The following TBC1D22A variants were observed in gnomAD, a reference collection of about 807,000 sequenced individuals.
TBC1D22A encodes putative GTPase activator.
Under a neutral mutation model 60.2 loss-of-function variants are expected in TBC1D22A, and 38 were observed. That is an observed-to-expected ratio of 0.63 (90% CI 0.49 to 0.83). The LOEUF (loss-of-function observed/expected upper bound fraction) is 0.83, where lower values mean the gene tolerates loss of function less well. Ranked by LOEUF, TBC1D22A falls within the 40% of genes least tolerant of loss-of-function variation. TBC1D22A has a pLI of 0.00. For missense variants in TBC1D22A, 628 were observed against 701.0 expected (o/e 0.90, Z 1.18); for synonymous variants, 302 against 281.7 (o/e 1.07, Z -0.72).
At chr22:46,896,255 A>G (rs2147642353) in intron 7 of TBC1D22A, among the ~76,000 whole-genome samples, 1 of 151,448 alleles carries the variant, frequency 6.6e-6, no homozygotes, top group African/African-American at 2.4e-5. Context: ...ACATGGTAAG[A>G]ATTCTGATTC....
chr22:47,075,727 G>A (rs2064178476), intron 11 of TBC1D22A, among the ~76,000 whole-genome samples: 2 of 151,964 alleles, frequency 1.3e-5, no homozygotes, highest in African/African-American at 4.8e-5. Flanking sequence ...AAATGTAAAT[G>A]GCCTAAATTT....
chr22:47,057,971 C>T (rs937789887), intron 11 of TBC1D22A, among the ~76,000 whole-genome samples: 4 of 152,226 alleles, frequency 2.6e-5, no homozygotes, highest in Admixed American at 6.5e-5. Flanking sequence ...GCAGGCCCCA[C>T]GAGGATCTCA....
At chr22:46,862,485 G>C (rs2087951335) in intron 4 of TBC1D22A, among the ~76,000 whole-genome samples, 2 of 152,196 alleles carry the variant, frequency 1.3e-5, no homozygotes, top group South Asian at 4.1e-4. Context: ...GCACTCTGTG[G>C]CTTGTCCAGA....
intron 10 of TBC1D22A, among the ~76,000 whole-genome samples, chr22:47,023,803 C>T (rs756459199): frequency 8.5e-5 from 13 of 152,140 alleles, no homozygotes; most frequent in Non-Finnish European, 1.3e-4. Flanking sequence ...TAAAGGAATT[C>T]GACACCAGGA....
intron 11 of TBC1D22A, among the ~76,000 whole-genome samples, chr22:47,095,419 C>T (rs1310520560): frequency 1.3e-5 from 2 of 152,216 alleles, no homozygotes; most frequent in African/African-American, 2.4e-5. Context: ...ATCACAGTTT[C>T]TCCATTATAA....
chr22:46,974,495 C>A, intron 9 of TBC1D22A, 96 bp downstream of exon 9: 1 of 985,192 alleles, frequency 1.0e-6, no homozygotes, highest in Non-Finnish European at 1.6e-6. Flanking sequence ...TCAGTGTGGC[C>A]ATGCAGTCCC....
At chr22:47,148,801 G>A (rs950370294) in intron 12 of TBC1D22A, among the ~76,000 whole-genome samples, 8 of 152,182 alleles carry the variant, frequency 5.3e-5, no homozygotes, top group African/African-American at 1.9e-4. Context: ...CTCTCCTGGG[G>A]TCTTTCACTT....
chr22:46,984,789 C>G (rs1602811331), intron 9 of TBC1D22A, among the ~76,000 whole-genome samples: 1 of 152,198 alleles, frequency 6.6e-6, no homozygotes, highest in East Asian at 1.9e-4. Flanking sequence ...GTCATGACTC[C>G]TTTAGAGAAA....
chr22:47,156,138 T>C (rs995324116), intron 12 of TBC1D22A, among the ~76,000 whole-genome samples: 1 of 152,116 alleles, frequency 6.6e-6, no homozygotes, highest in Non-Finnish European at 1.5e-5. Context: ...AGCTGGTCAG[T>C]GTTGACCGCC....
chr22:46,843,546 T>C (rs1427532440), intron 4 of TBC1D22A, among the ~76,000 whole-genome samples: 1 of 151,926 alleles, frequency 6.6e-6, no homozygotes, highest in Non-Finnish European at 1.5e-5. Flanking sequence ...CAGTACATTT[T>C]GGGTGACGCC....
At chr22:46,978,911 G>T (rs2074408177) in intron 9 of TBC1D22A, among the ~76,000 whole-genome samples, 1 of 152,184 alleles carries the variant, frequency 6.6e-6, no homozygotes, top group Admixed American at 6.5e-5. Context: ...GCCCGGCCAG[G>T]AAGTGTTTTA....
chr22:46,783,937 C>T (rs988902564), intron 1 of TBC1D22A, among the ~76,000 whole-genome samples: 87 of 152,164 alleles, frequency 5.7e-4, no homozygotes, highest in African/African-American at 2.0e-3. Flanking sequence ...AGTGGAATTA[C>T]GTCATATGCA....
At chr22:46,885,963 A>T (rs533640081) in intron 5 of TBC1D22A, among the ~76,000 whole-genome samples, 10 of 145,808 alleles carry the variant, frequency 6.9e-5, no homozygotes, top group African/African-American at 2.6e-4. Flanking sequence ...GCTGGAGTGC[A>T]GTGGTGCGAT....
intron 4 of TBC1D22A, among the ~76,000 whole-genome samples, chr22:46,820,233 T>G (rs1241678295): frequency 2.0e-5 from 3 of 152,170 alleles, no homozygotes; most frequent in African/African-American, 7.2e-5. Context: ...TCAGTCTCCT[T>G]CAATTCTTCT....
chr22:47,085,303 T>C (rs569217193), intron 11 of TBC1D22A, among the ~76,000 whole-genome samples: 47 of 152,320 alleles, frequency 3.1e-4, no homozygotes, highest in African/African-American at 9.1e-4. Context: ...TATATTGATA[T>C]TAACTCAATA....
intron 4 of TBC1D22A, among the ~76,000 whole-genome samples, chr22:46,841,073 T>TGTGTGTGAGA (rs35099198): frequency 3.9e-4 from 58 of 148,682 alleles, no homozygotes; most frequent in Non-Finnish European, 6.4e-4. Context: ...TGTGTGTGTG[T>TGTGTGTGAGA]GAGAGAGAGA....
In TBC1D22A at chr22:47,053,438, G is replaced by C. The variant is rs891785433; in HGVS notation, c.1329+16240G>C. 2.0e-5 allele frequency among the ~76,000 whole-genome samples: 3 copies of C among 152,326 alleles called. No individual in the cohort carries two copies. The East Asian group carries it at 5.8e-4, about 29-fold the overall frequency. ...TACCTGCAGGACCAGCAAGCAGGGT[G>C]GCCTGTCCCAGGGCCGCCTCGTCAG... is the stretch of plus-strand genomic sequence containing the variant. On this transcript the variant is annotated intron_variant, in intron 11 of 12. Coordinates refer to ENST00000337137, the MANE Select transcript of TBC1D22A (RefSeq NM_014346.5).
At chr22:46,997,988 A>G (rs920790222) in intron 10 of TBC1D22A, among the ~76,000 whole-genome samples, 22 of 152,210 alleles carry the variant, frequency 1.4e-4, no homozygotes, top group Non-Finnish European at 2.2e-4. Flanking sequence ...GGTGATTGTC[A>G]TAATCTAGGT....
At position 46,798,019 on chromosome 22, in the gene TBC1D22A, G is replaced by A. The variant is rs569880715; in HGVS notation, c.637+399G>A. ...CCTGAGTATGTGGGACTACAGGATT[G>A]TGCCACCATGCTCACCAGATTTTTT... On this transcript the variant is annotated intron_variant, in intron 4 of 12. Coordinates refer to ENST00000337137, the MANE Select transcript of TBC1D22A (RefSeq NM_014346.5). Among the ~76,000 whole-genome samples, 45 of 152,152 alleles carry A rather than the reference G, an allele frequency of 3.0e-4. 1 individual carries two copies. The South Asian group carries it at 8.5e-3, about 29-fold the overall frequency.
Sources: gnomAD v4.1 joint callset for allele counts (sites outside exome capture counted in the v4.1 genomes callset) on GRCh38, gnomAD v4.1.1 for gene constraint, MANE v1.5 for transcripts, NCBI Gene and HGNC (gene_info 2026-07-23, HGNC 2026-07-21) for gene names.